Variants in TECPR2 observed in about 807,000 individuals in gnomAD.
The protein encoded by TECPR2 is tectonin beta-propeller repeat-containing protein 2.
Under a neutral mutation model 138.1 loss-of-function variants are expected in TECPR2, and 65 were observed. The ratio of observed to expected loss-of-function variants is 0.47; its 90% CI spans 0.39 to 0.58. The LOEUF (loss-of-function observed/expected upper bound fraction) is 0.58. TECPR2 is among the 20% of genes least tolerant of loss of function. TECPR2 has a pLI of 0.00. For synonymous variants in TECPR2, 746 were observed against 749.8 expected, an observed-to-expected ratio of 0.99 and a Z score of 0.08; for missense variants, 1,553 against 1,824.5, an observed-to-expected ratio of 0.85 and a Z score of 2.71.
At chr14:102,497,815 G>A (rs1156369756) in intron 19 of TECPR2, 96 bp downstream of exon 19, 2 of 1,408,680 alleles carry the variant, frequency 1.4e-6, no homozygotes, top group Non-Finnish European at 9.4e-7. Context: ...GACCCCACTG[G>A]GCTCCAATCT....
At position 102,498,990 on chromosome 14, in the gene TECPR2, G is replaced by A. The variant is rs1452923374; in HGVS notation, c.*733G>A. 3.3e-5 allele frequency: 23 copies of A among 694,314 alleles called. No individual in the cohort carries two copies. The highest frequency in any genetic ancestry group is 2.0e-4 in the South Asian group (13 of 66,518). The allele number at this position is 694,314 out of a possible 1,614,324, so 43.0% of individuals were successfully genotyped here. Reference sequence around the variant, plus strand: ...CACACAACACACCACACCCCACACCGCACTGCACCGCACCGCACCGCACCG... The same window carrying A: ...CACACAACACACCACACCCCACACCACACTGCACCGCACCGCACCGCACCG... On this transcript the variant is annotated 3_prime_UTR_variant, in exon 20 of 20. Transcript: ENST00000359520.
chr14:102,396,974 T>C (rs2139681140), intron 2 of TECPR2, among the ~76,000 whole-genome samples: 1 of 152,290 alleles, frequency 6.6e-6, no homozygotes, highest in South Asian at 2.1e-4. Context: ...TTCCAGGGGA[T>C]TTAAAGAGCT....
At chr14:102,429,660 T>C (rs962916068) in intron 7 of TECPR2, among the ~76,000 whole-genome samples, 2 of 152,104 alleles carry the variant, frequency 1.3e-5, no homozygotes, top group Non-Finnish European at 2.9e-5. Flanking sequence ...AGAGGGCAAA[T>C]TGGGGTGAAT....
chr14:102,453,977 C>T (rs1158181275), intron 16 of TECPR2, among the ~76,000 whole-genome samples: 1 of 151,948 alleles, frequency 6.6e-6, no homozygotes, highest in African/African-American at 2.4e-5. Flanking sequence ...GGTGAAACCC[C>T]GTCTTTACTA....
intron 5 of TECPR2, among the ~76,000 whole-genome samples, chr14:102,424,253 GA>G (rs1465020266): frequency 6.6e-6 from 1 of 152,180 alleles, no homozygotes; most frequent in Non-Finnish European, 1.5e-5. Flanking sequence ...TCTAAACATA[GA>G]AAAGGTACCA....
intron 2 of TECPR2, among the ~76,000 whole-genome samples, chr14:102,400,564 C>G (rs1459058498): frequency 6.6e-6 from 1 of 152,026 alleles, no homozygotes. Context: ...AGTGTTATAA[C>G]TTTAGGATGT....
At position 102,502,235 on chromosome 14, in the gene TECPR2, G is replaced by T. The variant is rs571016344; in HGVS notation, c.*3978G>T. 1 of 152,580 alleles carries T rather than the reference G, an allele frequency of 6.6e-6. No homozygotes were observed. The highest frequency in any genetic ancestry group is 1.5e-5 in the Non-Finnish European group (1 of 68,058). 9.5% of individuals were successfully genotyped at this position (152,580 alleles called of 1,614,324 possible). A position where few individuals can be genotyped will look rare whatever the true frequency, so the allele number is the denominator to read the frequency against. On this transcript the variant is annotated 3_prime_UTR_variant, in exon 20 of 20. Coordinates refer to ENST00000359520, the MANE Select transcript of TECPR2 (RefSeq NM_014844.5). The stretch of plus-strand genomic sequence containing the variant: ...AATCAGAGGGAGAAAGGGAGAGAAG[G>T]GGGAGGGAGACAACCCAAACGTTGG...
intron 4 of TECPR2, among the ~76,000 whole-genome samples, chr14:102,408,913 T>C (rs184347470): frequency 2.8e-4 from 42 of 152,330 alleles, no homozygotes; most frequent in Non-Finnish European, 1.2e-4. Flanking sequence ...GTAGGAGTGA[T>C]GCCAAGCACT....
intron 17 of TECPR2, among the ~76,000 whole-genome samples, chr14:102,474,692 T>C (rs1210049751): frequency 2.6e-5 from 4 of 152,032 alleles, no homozygotes; most frequent in Admixed American, 2.0e-4. Context: ...CCATAATGGG[T>C]AGGAAAACTT....
intron 17 of TECPR2, among the ~76,000 whole-genome samples, chr14:102,466,658 T>C (rs1163893505): frequency 6.6e-6 from 1 of 152,212 alleles, no homozygotes. Context: ...ATTTTTCCTT[T>C]TAAGTTACAA....
chr14:102,388,564 C>G (rs1888081124), intron 2 of TECPR2, among the ~76,000 whole-genome samples: 1 of 152,034 alleles, frequency 6.6e-6, no homozygotes, highest in Non-Finnish European at 1.5e-5. Context: ...CGCAGTGGCT[C>G]ACGCCTGTTA....
chr14:102,398,919 C>G (rs1404921464), intron 2 of TECPR2, among the ~76,000 whole-genome samples: 1 of 151,930 alleles, frequency 6.6e-6, no homozygotes, highest in Admixed American at 6.6e-5. Context: ...AGAAATGCCT[C>G]CTCATATACA....
At chr14:102,410,703 CA>C (rs758794893) in intron 4 of TECPR2, among the ~76,000 whole-genome samples, 278 of 146,732 alleles carry the variant, frequency 1.9e-3, no homozygotes, top group African/African-American at 5.7e-3. Flanking sequence ...TGCCCCCCCT[CA>C]AAAAAAAAAA....
chr14:102,384,063 G>A lies in TECPR2; in HGVS notation c.219+7123G>A, dbSNP rs1387931455. Among the ~76,000 whole-genome samples, 3 of 151,348 alleles carry A rather than the reference G, an allele frequency of 2.0e-5. 1 individual carries two copies. Among genetic ancestry groups the A allele is most frequent in the South Asian group, 4.2e-4 (2 of 4,770 alleles). ...ATCTCCTGAGTAGCTGGGATTACAG[G>A]CATGTGCCACCCCATCTGGCTAATT... On this transcript the variant is annotated intron_variant, in intron 2 of 19. Coordinates refer to ENST00000359520, the MANE Select transcript of TECPR2 (RefSeq NM_014844.5).
intron 2 of TECPR2, among the ~76,000 whole-genome samples, chr14:102,380,906 C>T (rs566365280): frequency 1.3e-5 from 2 of 151,536 alleles, no homozygotes; most frequent in Non-Finnish European, 2.9e-5. Context: ...TCTCGATCTC[C>T]TGACCTCGTG....
At chr14:102,387,408 T>C (rs1187916726) in intron 2 of TECPR2, among the ~76,000 whole-genome samples, 1 of 152,158 alleles carries the variant, frequency 6.6e-6, no homozygotes, top group Non-Finnish European at 1.5e-5. Flanking sequence ...TGTGTAAGCA[T>C]AGACCAAAAA....
intron 2 of TECPR2, among the ~76,000 whole-genome samples, chr14:102,386,032 A>G (rs1887990968): frequency 1.3e-5 from 2 of 152,254 alleles, no homozygotes; most frequent in South Asian, 4.1e-4. Flanking sequence ...TAAATCTAAA[A>G]TATTAACATT....
chr14:102,426,193 G>GT (rs1310989980), intron 6 of TECPR2, among the ~76,000 whole-genome samples: 1 of 151,594 alleles, frequency 6.6e-6, no homozygotes, highest in Non-Finnish European at 1.5e-5. Flanking sequence ...GCCGCCACTT[G>GT]GTTTTTTTTT....
intron 7 of TECPR2, 55 bp from the exon 8 acceptor site, chr14:102,431,741 G>A (rs1011008770): frequency 1.1e-5 from 17 of 1,487,564 alleles, no homozygotes; most frequent in South Asian, 1.4e-5. Context: ...GTGGATAAGT[G>A]CACATCAGCT....
Sources: allele counts gnomAD v4.1 joint callset (sites outside exome capture counted in the v4.1 genomes callset), GRCh38; gene constraint gnomAD v4.1.1; transcripts MANE v1.5; gene names NCBI Gene and HGNC (gene_info 2026-07-23, HGNC 2026-07-21).